The following BTBD1 variants were observed in gnomAD, a reference collection of about 807,000 sequenced individuals.
BTBD1 encodes the protein BTB domain containing 1.
BTBD1 carries 34 observed loss-of-function variants against 48.0 expected under a neutral mutation model. That is an observed-to-expected ratio of 0.71 (90% CI 0.54 to 0.94). The LOEUF (loss-of-function observed/expected upper bound fraction) is 0.94, where lower values mean the gene tolerates loss of function less well. Ranked by LOEUF, BTBD1 falls within the 40% of genes least tolerant of loss-of-function variation. The pLI is 0.00. For missense variants in BTBD1, 543 were observed against 625.6 expected (o/e 0.87, Z 1.41); for synonymous variants, 261 against 242.1 (o/e 1.08, Z -0.72).
intron 3 of BTBD1, among the ~76,000 whole-genome samples, chr15:83,046,111 T>G (rs1053087153): frequency 6.6e-6 from 1 of 152,026 alleles, no homozygotes; most frequent in Non-Finnish European, 1.5e-5. Context: ...TACCAATTTT[T>G]GGGGCTAGGC....
intron 1 of BTBD1, among the ~76,000 whole-genome samples, chr15:83,066,126 T>C (rs913307462): frequency 4.6e-5 from 7 of 151,644 alleles, no homozygotes; most frequent in Admixed American, 1.3e-4. Context: ...ACCCTCTCTC[T>C]ACCAAAAATA....
chr15:83,044,322 C>T (rs2032827398), intron 3 of BTBD1: 3 of 1,094,164 alleles, frequency 2.7e-6, no homozygotes, highest in African/African-American at 1.6e-5. Flanking sequence ...AAGCTGCCCA[C>T]GCCGACGGCA....
chr15:83,063,955 CT>C (rs1419092567), intron 1 of BTBD1, among the ~76,000 whole-genome samples: 1 of 152,162 alleles, frequency 6.6e-6, no homozygotes, highest in Non-Finnish European at 1.5e-5. Flanking sequence ...AGGGCAAGGA[CT>C]TTTTCTTGTT....
At chr15:83,064,171 C>G (rs1337526308) in intron 1 of BTBD1, among the ~76,000 whole-genome samples, 1 of 152,088 alleles carries the variant, frequency 6.6e-6, no homozygotes, top group Non-Finnish European at 1.5e-5. Context: ...ACAAGTATGC[C>G]CAAACTAACC....
chr15:83,034,102 A>G (rs865937827), intron 4 of BTBD1, among the ~76,000 whole-genome samples: 2 of 150,866 alleles, frequency 1.3e-5, no homozygotes, highest in Admixed American at 1.3e-4. Flanking sequence ...AAAAAAAAAA[A>G]AAAAAGAAAA....
chr15:83,045,086 T>C (rs960790774), intron 3 of BTBD1, among the ~76,000 whole-genome samples: 1 of 152,228 alleles, frequency 6.6e-6, no homozygotes, highest in Admixed American at 6.5e-5. Flanking sequence ...AGTTATACTT[T>C]AAATTAAATT....
At chr15:83,066,414 G>A (rs1449845965) in intron 1 of BTBD1, among the ~76,000 whole-genome samples, 1 of 152,168 alleles carries the variant, frequency 6.6e-6, no homozygotes, top group Non-Finnish European at 1.5e-5. Context: ...GGGCAATCAG[G>A]ACAACCTGAT....
chr15:83,056,617 T>A, intron 1 of BTBD1, 72 bp from the exon 2 acceptor site: 1 of 1,308,270 alleles, frequency 7.6e-7, no homozygotes, highest in East Asian at 2.3e-5. Flanking sequence ...ACAGTTAAAT[T>A]TCTGAGGAGT....
intron 3 of BTBD1, among the ~76,000 whole-genome samples, chr15:83,049,428 T>C (rs1025347603): frequency 6.6e-6 from 1 of 152,206 alleles, no homozygotes; most frequent in African/African-American, 2.4e-5. Context: ...TACTGTGCTA[T>C]CCATTCTTTA....
intron 4 of BTBD1, among the ~76,000 whole-genome samples, chr15:83,032,768 G>A (rs1186487743): frequency 6.6e-6 from 1 of 151,838 alleles, no homozygotes; most frequent in Non-Finnish European, 1.5e-5. Flanking sequence ...AAGCCTACAT[G>A]TTTGGTACCA....
chr15:83,031,091 A>T (rs1196706636), intron 4 of BTBD1, among the ~76,000 whole-genome samples: 1 of 152,232 alleles, frequency 6.6e-6, no homozygotes, highest in Non-Finnish European at 1.5e-5. Flanking sequence ...TAGATCCTTG[A>T]GGAATCGCCA....
chr15:83,051,060 G>T (rs1452516182), intron 2 of BTBD1, among the ~76,000 whole-genome samples: 1 of 151,876 alleles, frequency 6.6e-6, no homozygotes, highest in African/African-American at 2.4e-5. Context: ...TATAAGCAGG[G>T]GGAGTCCAAG....
intron 4 of BTBD1, among the ~76,000 whole-genome samples, chr15:83,038,454 C>G (rs1007463205): frequency 1.3e-5 from 2 of 152,122 alleles, no homozygotes; most frequent in African/African-American, 4.8e-5. Flanking sequence ...GACTCAATAT[C>G]GTTCAAATGA....
chr15:83,044,047 TAGAGA>T (rs2032821160), intron 3 of BTBD1, among the ~76,000 whole-genome samples: 1 of 152,004 alleles, frequency 6.6e-6, no homozygotes, highest in Non-Finnish European at 1.5e-5. Flanking sequence ...CTAACAGGGA[TAGAGA>T]AAAGAGGAAA....
At chr15:83,040,520 T>C (rs181399092) in intron 4 of BTBD1, among the ~76,000 whole-genome samples, 4 of 152,102 alleles carry the variant, frequency 2.6e-5, no homozygotes, top group Admixed American at 2.6e-4. Flanking sequence ...TTGACAAATA[T>C]GGTGAAACTC....
rs375412951 is a variant in BTBD1, at chr15:83,056,386, T to C, written c.558+3A>G. 990 of 1,609,342 alleles carry C rather than the reference T, an allele frequency of 6.2e-4. 16 individuals carry two copies. The South Asian group carries it at 0.01, about 17-fold the overall frequency. ...GATACATACCTTAGCTACATTTACTTACCTGAGTAAGTAACATAAAGGCAT... is the reference window on the plus strand; with the variant it reads ...GATACATACCTTAGCTACATTTACTCACCTGAGTAAGTAACATAAAGGCAT... On this transcript the variant is annotated splice_donor_region_variant and intron_variant, in intron 2 of 7. Coordinates refer to ENST00000261721, the MANE Select transcript of BTBD1 (RefSeq NM_025238.4).
At chr15:83,023,070 C>T (rs1725684512) in intron 5 of BTBD1, among the ~76,000 whole-genome samples, 1 of 152,070 alleles carries the variant, frequency 6.6e-6, no homozygotes, top group Non-Finnish European at 1.5e-5. Context: ...TAACCCCTTA[C>T]AATTTTTAAT....
intron 2 of BTBD1, among the ~76,000 whole-genome samples, chr15:83,054,232 G>C (rs1420888524): frequency 2.0e-5 from 3 of 152,162 alleles, no homozygotes; most frequent in African/African-American, 7.2e-5. Context: ...CAGCTACTCG[G>C]GTGGCTGAGG....
intron 1 of BTBD1, among the ~76,000 whole-genome samples, chr15:83,063,542 C>A (rs1286993962): frequency 6.6e-6 from 1 of 152,210 alleles, no homozygotes; most frequent in Non-Finnish European, 1.5e-5. Flanking sequence ...CACCTTGCTG[C>A]CTATTTTACT....
Sources: gnomAD v4.1 joint callset for allele counts (sites outside exome capture counted in the v4.1 genomes callset) on GRCh38, gnomAD v4.1.1 for gene constraint, MANE v1.5 for transcripts, NCBI Gene and HGNC (gene_info 2026-07-23, HGNC 2026-07-21) for gene names.